PIBF1: variants seen among roughly 807,000 people sequenced by gnomAD.
PIBF1 encodes the protein progesterone immunomodulatory binding factor 1, also known as progesterone-induced-blocking factor 1.
In PIBF1, 90 loss-of-function variants were observed where a neutral mutation model predicts 112.5. That is an observed-to-expected ratio of 0.80 (90% confidence interval 0.67 to 0.95). PIBF1 has a LOEUF of 0.95. Among genes scored for constraint, PIBF1 ranks in the 40% least tolerant of loss-of-function variants. The pLI is 0.00. For missense variants in PIBF1, 915 were observed against 852.3 expected (o/e 1.07, Z -0.92); for synonymous variants, 301 against 288.6 (o/e 1.04, Z -0.44).
intron 10 of PIBF1, among the ~76,000 whole-genome samples, chr13:72,892,098 A>C (rs2040079953): frequency 6.6e-6 from 1 of 152,154 alleles, no homozygotes; most frequent in African/African-American, 2.4e-5. Flanking sequence ...TTAATTAGAT[A>C]ATGATGTGCA....
chr13:73,002,901 T>C (rs2043915357), intron 17 of PIBF1, among the ~76,000 whole-genome samples: 1 of 141,376 alleles, frequency 7.1e-6, no homozygotes, highest in Admixed American at 8.0e-5. Flanking sequence ...GGAGAATCAC[T>C]TGGACCTGGG....
intron 12 of PIBF1, among the ~76,000 whole-genome samples, chr13:72,912,603 C>T (rs1274585838): frequency 1.3e-5 from 2 of 152,100 alleles, no homozygotes; most frequent in African/African-American, 2.4e-5. Context: ...CCAGCATTTC[C>T]GTTACTTACC....
chr13:72,782,894 GTGTGTGTGTGTGTT>G (rs1390523751), intron 1 of PIBF1, among the ~76,000 whole-genome samples: 2 of 142,220 alleles, frequency 1.4e-5, no homozygotes, highest in East Asian at 2.1e-4. Flanking sequence ...GTGTGTGTGT[GTGTGTGTGTGTGTT>G]TGTGTTTGTG....
At chr13:73,003,776 C>T (rs2139040645) in intron 17 of PIBF1, among the ~76,000 whole-genome samples, 1 of 152,218 alleles carries the variant, frequency 6.6e-6, no homozygotes. Context: ...GTGGCATGAA[C>T]ACGGCTCACT....
At chr13:72,925,542 CTTTTTTTT>C (rs59074858) in intron 13 of PIBF1, among the ~76,000 whole-genome samples, 1 of 102,032 alleles carries the variant, frequency 9.8e-6, no homozygotes, top group African/African-American at 3.8e-5. Context: ...CTTTCTCTCT[CTTTTTTTT>C]TTTTTTTTTT....
At chr13:72,901,815 C>T (rs944036342) in intron 11 of PIBF1, among the ~76,000 whole-genome samples, 1 of 152,036 alleles carries the variant, frequency 6.6e-6, no homozygotes, top group African/African-American at 2.4e-5. Flanking sequence ...CCTTAAAGAA[C>T]TAAAAGTAGA....
intron 5 of PIBF1, among the ~76,000 whole-genome samples, chr13:72,819,836 C>T (rs1296632677): frequency 6.6e-6 from 1 of 152,058 alleles, no homozygotes. Context: ...TAGTGTTTCT[C>T]AATATTATTG....
intron 14 of PIBF1, among the ~76,000 whole-genome samples, chr13:72,956,545 A>G (rs958350809): frequency 2.7e-4 from 41 of 152,224 alleles, no homozygotes; most frequent in African/African-American, 9.6e-4. Flanking sequence ...CTCAGAGCCT[A>G]TACAATTTGA....
chr13:72,855,267 A>T (rs2038365128), intron 10 of PIBF1, among the ~76,000 whole-genome samples: 1 of 152,182 alleles, frequency 6.6e-6, no homozygotes, highest in Non-Finnish European at 1.5e-5. Context: ...GAATGGCTCA[A>T]ATTGTCATAC....
Position 73,003,257 on chromosome 13 carries a change from T to A in PIBF1, c.2223+4262T>A, listed in dbSNP as rs9573080. 1.4e-3 allele frequency among the ~76,000 whole-genome samples: 203 copies of A among 142,252 alleles called. 1 individual carries two copies. Among genetic ancestry groups the A allele is most frequent in the African/African-American group, 3.9e-3 (151 of 39,132 alleles). 93.3% of individuals were successfully genotyped at this position (142,252 alleles called of 152,430 possible). On this transcript the variant is annotated intron_variant, in intron 17 of 17. Coordinates refer to ENST00000326291, the MANE Select transcript of PIBF1 (RefSeq NM_006346.4). Reference sequence around the variant, plus strand: ...TATGTCATCTGGAAAGAAAAAAAAATTTTTTTTTTTTTTGAGACAGAGTCT... The same window carrying A: ...TATGTCATCTGGAAAGAAAAAAAAAATTTTTTTTTTTTTGAGACAGAGTCT...
chr13:72,864,811 T>G (rs1410050024), intron 10 of PIBF1, among the ~76,000 whole-genome samples: 1 of 152,200 alleles, frequency 6.6e-6, no homozygotes, highest in Non-Finnish European at 1.5e-5. Context: ...TGTGAGTGTA[T>G]TTCTCCCACT....
chr13:72,949,682 C>T (rs1218593941), intron 14 of PIBF1, among the ~76,000 whole-genome samples: 1 of 152,180 alleles, frequency 6.6e-6, no homozygotes, highest in Non-Finnish European at 1.5e-5. Flanking sequence ...CATAGCAACC[C>T]AGTGCCCAAA....
rs1414339162 is a variant in PIBF1 at position 72,893,851 on chromosome 13, T to C, written c.1390T>C (p.Ser464Pro). The C allele has an allele frequency of 1.2e-6, 2 of 1,606,090 alleles. No individual in the cohort carries two copies. Among genetic ancestry groups the C allele is most frequent in the Admixed American group, 3.4e-5 (2 of 59,050 alleles). The change falls in exon 11 of 18, where the codon TCT (serine) becomes CCT (proline). Residue 464 changes from serine to proline, a missense_variant. Ser to Pro is a moderately conservative substitution (Grantham distance 74). Coordinates refer to ENST00000326291, the MANE Select transcript of PIBF1 (RefSeq NM_006346.4). ...TEFLHQSKLK[S>P]FESERVQLLQ... ...ATTTCTCCATCAAAGTAAATTAAAA[T>C]CTTTTGAAAGTGAGCGTGTTCAACT...
chr13:72,980,806 CAAA>C (rs1181562078), intron 16 of PIBF1, among the ~76,000 whole-genome samples: 1 of 114,568 alleles, frequency 8.7e-6, no homozygotes, highest in Admixed American at 9.1e-5. Context: ...GCCCTATCTC[CAAA>C]AAAAAAAAAG....
At chr13:72,925,534 T>C (rs2041449639) in intron 13 of PIBF1, among the ~76,000 whole-genome samples, 1 of 144,234 alleles carries the variant, frequency 6.9e-6, no homozygotes, top group African/African-American at 2.6e-5. Flanking sequence ...CCTTTTTTCT[T>C]TCTCTCTCTT....
chr13:72,953,343 C>T (rs1230734387), intron 14 of PIBF1, among the ~76,000 whole-genome samples: 1 of 152,164 alleles, frequency 6.6e-6, no homozygotes, highest in Admixed American at 6.5e-5. Flanking sequence ...TTTTGTCCCA[C>T]ACGGTGCCTC....
At chr13:72,970,760 A>C (rs909729609) in intron 15 of PIBF1, 1 of 152,194 alleles carries the variant, frequency 6.6e-6, no homozygotes, top group Non-Finnish European at 1.5e-5. Context: ...AATTCTATTG[A>C]GTAAATACAT....
chr13:72,878,752 T>C (rs2039506360), intron 10 of PIBF1, among the ~76,000 whole-genome samples: 1 of 152,198 alleles, frequency 6.6e-6, no homozygotes, highest in African/African-American at 2.4e-5. Context: ...AGTAGATTCA[T>C]GTATTTCTTC....
chr13:72,785,958 A>G (rs1453991527), intron 2 of PIBF1, among the ~76,000 whole-genome samples: 2 of 152,212 alleles, frequency 1.3e-5, no homozygotes, highest in Admixed American at 1.3e-4. Flanking sequence ...TCTCTAGTGT[A>G]ACAAATCCAA....
Sources: gnomAD v4.1 joint callset for allele counts (sites outside exome capture counted in the v4.1 genomes callset) on GRCh38, gnomAD v4.1.1 for gene constraint, MANE v1.5 for transcripts, NCBI Gene and HGNC (gene_info 2026-07-23, HGNC 2026-07-21) for gene names.